Variants in UNC5D observed in about 807,000 individuals in gnomAD.
UNC5D encodes unc-5 netrin receptor D, also known as netrin receptor UNC5D.
UNC5D carries 39 observed loss-of-function variants against 105.4 expected under a neutral mutation model. The observed-to-expected ratio is 0.37, with a 90% confidence interval of 0.29 to 0.48. The LOEUF (loss-of-function observed/expected upper bound fraction) is 0.48. Ranked by LOEUF, UNC5D falls within the 20% of genes least tolerant of loss-of-function variation. The pLI, the probability that UNC5D is intolerant of heterozygous loss-of-function variation, is 0.98. For missense variants in UNC5D, 991 were observed against 1,202.4 expected (o/e 0.82, Z 2.60); for synonymous variants, 452 against 450.4 (o/e 1.00, Z -0.04).
At chr8:35,624,857 G>A (rs527794026) in intron 4 of UNC5D, among the ~76,000 whole-genome samples, 2 of 152,278 alleles carry the variant, frequency 1.3e-5, no homozygotes, top group Non-Finnish European at 2.9e-5. Flanking sequence ...GCTGCAGTGA[G>A]TCACATTTCA....
intron 1 of UNC5D, among the ~76,000 whole-genome samples, chr8:35,423,274 C>T (rs1806032128): frequency 6.6e-6 from 1 of 152,146 alleles, no homozygotes; most frequent in African/African-American, 2.4e-5. Flanking sequence ...CCACACGTGC[C>T]CTTGAGCATC....
chr8:35,597,678 G>A (rs556292432), intron 4 of UNC5D, among the ~76,000 whole-genome samples: 11 of 152,158 alleles, frequency 7.2e-5, no homozygotes, highest in Middle Eastern at 3.4e-3. Context: ...TAGGAACTTC[G>A]CATACTCTAG....
intron 1 of UNC5D, among the ~76,000 whole-genome samples, chr8:35,353,704 C>G (rs548801658): frequency 6.6e-6 from 1 of 151,850 alleles, no homozygotes; most frequent in African/African-American, 2.4e-5. Context: ...GAAGAAGATA[C>G]CTTCATGTGC....
rs368912009 is a variant in UNC5D, at chr8:35,307,325, T to A, written c.103+71438T>A. 2.6e-5 allele frequency among the ~76,000 whole-genome samples: 4 copies of A among 152,266 alleles called. No homozygotes were observed. The East Asian group carries it at 5.8e-4, about 22-fold the overall frequency. ...CTTTGTAGTGACTCATTACTACTTT[T>A]TACTGATTACAGGTCATCTAGACAA... On this transcript the variant is annotated intron_variant, in intron 1 of 16. Transcript: ENST00000404895.
At chr8:35,487,604 TGTTA>T (rs1368987080) in intron 1 of UNC5D, among the ~76,000 whole-genome samples, 1 of 136,236 alleles carries the variant, frequency 7.3e-6, no homozygotes, top group African/African-American at 3.0e-5. Context: ...CCCCACAGAC[TGTTA>T]GTTTTAGTTC....
At chr8:35,482,793 CTTT>C (rs5890816) in intron 1 of UNC5D, among the ~76,000 whole-genome samples, 2 of 78,146 alleles carry the variant, frequency 2.6e-5, no homozygotes, top group African/African-American at 5.5e-5. Context: ...TTAAAGAGAT[CTTT>C]TTTTTTTTTT....
At chr8:35,248,637 A>C (rs1476394278) in intron 1 of UNC5D, among the ~76,000 whole-genome samples, 1 of 98,894 alleles carries the variant, frequency 1.0e-5, no homozygotes, top group Non-Finnish European at 1.7e-5. Flanking sequence ...TATATGTTAT[A>C]TATAATATAT....
chr8:35,710,085 T>C (rs1827847357), intron 8 of UNC5D, among the ~76,000 whole-genome samples: 3 of 152,150 alleles, frequency 2.0e-5, no homozygotes, highest in Admixed American at 2.0e-4. Flanking sequence ...AACTGCTATG[T>C]TGAGTGTAAA....
At chr8:35,476,233 G>T (rs902571896) in intron 1 of UNC5D, among the ~76,000 whole-genome samples, 3 of 152,116 alleles carry the variant, frequency 2.0e-5, no homozygotes, top group Non-Finnish European at 4.4e-5. Flanking sequence ...ACAAAAGTCT[G>T]GGAACTGAGT....
At chr8:35,712,185 C>T (rs959029569) in intron 8 of UNC5D, among the ~76,000 whole-genome samples, 3 of 152,114 alleles carry the variant, frequency 2.0e-5, no homozygotes, top group South Asian at 2.1e-4. Context: ...GCAGAAGAAT[C>T]GCTTGAACCC....
Position 35,391,457 on chromosome 8 carries a change from T to C in UNC5D, c.103+155570T>C, listed in dbSNP as rs536143133. On this transcript the variant is annotated intron_variant, in intron 1 of 16. Transcript: ENST00000404895. ...CAATTAATGTATATTTTTATTTCTA[T>C]AACTCTGTTTTTATATTTCTTCTCT... 5.3e-5 allele frequency among the ~76,000 whole-genome samples: 8 copies of C among 152,352 alleles called. No homozygotes were observed. The East Asian group carries it at 1.5e-3, about 29-fold the overall frequency.
rs543307018 is a variant in UNC5D, at chr8:35,743,382, GC to G, written c.1767-5143del. Among the ~76,000 whole-genome samples, 237 of 151,824 alleles carry G rather than the reference GC, an allele frequency of 1.6e-3. 1 individual carries two copies. Among genetic ancestry groups the G allele is most frequent in the Admixed American group, 5.6e-3 (85 of 15,222 alleles). On this transcript the variant is annotated intron_variant, in intron 11 of 16. Coordinates refer to ENST00000404895, the MANE Select transcript of UNC5D (RefSeq NM_080872.4). The stretch of plus-strand genomic sequence containing the variant: ...CCTCCTGGGTTCAAGCAATTCTCTC[GC>G]CTCAGCCTCCTGAGTAGCTGGGACT...
Position 35,752,477 on chromosome 8 carries a change from C to T in UNC5D, c.2163+1668C>T, listed in dbSNP as rs182882590. Among the ~76,000 whole-genome samples the T allele has an allele frequency of 1.5e-3, 224 of 152,246 alleles. 1 individual carries two copies. The highest frequency in any genetic ancestry group is 0.011 in the South Asian group (54 of 4,828). ...GCCAGCCTGTGTTCCTGAACCGCCC[C>T]TGAGTATCTCTTAAGTAGCACAGGT... is the stretch of plus-strand genomic sequence containing the variant. On this transcript the variant is annotated intron_variant, in intron 13 of 16. Transcript: ENST00000404895.
At chr8:35,244,342 G>T (rs1485930907) in intron 1 of UNC5D, among the ~76,000 whole-genome samples, 1 of 152,160 alleles carries the variant, frequency 6.6e-6, no homozygotes, top group African/African-American at 2.4e-5. Context: ...ATACTGAGGT[G>T]GGATGATACA....
At chr8:35,676,489 A>G (rs1184303936) in intron 4 of UNC5D, among the ~76,000 whole-genome samples, 1 of 152,190 alleles carries the variant, frequency 6.6e-6, no homozygotes, top group Non-Finnish European at 1.5e-5. Flanking sequence ...AGTGATACAA[A>G]TGTCTGTTAG....
intron 1 of UNC5D, among the ~76,000 whole-genome samples, chr8:35,268,612 T>G (rs1011172086): frequency 6.6e-6 from 1 of 152,176 alleles, no homozygotes; most frequent in South Asian, 2.1e-4. Flanking sequence ...TAAAAAATAT[T>G]TACTTCATAT....
intron 7 of UNC5D, among the ~76,000 whole-genome samples, chr8:35,699,749 A>G (rs1210791379): frequency 6.6e-6 from 1 of 152,206 alleles, no homozygotes; most frequent in African/African-American, 2.4e-5. Context: ...GAAGTGAGAA[A>G]GCAAGAACTG....
intron 1 of UNC5D, among the ~76,000 whole-genome samples, chr8:35,373,877 C>A (rs544207939): frequency 2.0e-5 from 3 of 152,278 alleles, no homozygotes; most frequent in Middle Eastern, 3.4e-3. Context: ...CTCATTTGAG[C>A]ACCAGGGTTC....
chr8:35,447,119 A>T (rs1300194674), intron 1 of UNC5D, among the ~76,000 whole-genome samples: 1 of 152,038 alleles, frequency 6.6e-6, no homozygotes, highest in African/African-American at 2.4e-5. Flanking sequence ...TAGCTTGTCT[A>T]ATTTGTATAA....
Sources: gnomAD v4.1 joint callset for allele counts (sites outside exome capture counted in the v4.1 genomes callset) on GRCh38, gnomAD v4.1.1 for gene constraint, MANE v1.5 for transcripts, NCBI Gene and HGNC (gene_info 2026-07-23, HGNC 2026-07-21) for gene names.